The following SHISA9 variants were observed in gnomAD, a reference collection of about 807,000 sequenced individuals.
The protein encoded by SHISA9 is shisa family member 9.
SHISA9 carries 13 observed loss-of-function variants against 38.0 expected under a neutral mutation model. That is an observed-to-expected ratio of 0.34 (90% CI 0.22 to 0.54). SHISA9 has a LOEUF of 0.54. Ranked by LOEUF, SHISA9 falls within the 20% of genes least tolerant of loss-of-function variation. The pLI, the probability that SHISA9 is intolerant of heterozygous loss-of-function variation, is 0.91. For synonymous variants in SHISA9, 275 were observed against 242.0 expected (o/e 1.14, Z -1.27); for missense variants, 538 against 575.8 (o/e 0.93, Z 0.67).
At chr16:13,206,143 C>G (rs773154581) in intron 3 of SHISA9, among the ~76,000 whole-genome samples, 3 of 152,002 alleles carry the variant, frequency 2.0e-5, no homozygotes, top group Non-Finnish European at 4.4e-5. Flanking sequence ...TCAGAAGCTC[C>G]GAAGCATTAG....
the SHISA9 span, among the ~76,000 whole-genome samples, chr16:13,412,851 G>A: frequency 6.6e-6 from 1 of 151,904 alleles, no homozygotes; most frequent in Non-Finnish European, 1.5e-5. Flanking sequence ...GAAAGACCCT[G>A]TCCCCCTAAC....
the SHISA9 span, among the ~76,000 whole-genome samples, chr16:13,309,419 GA>G: frequency 1.3e-5 from 2 of 152,100 alleles, no homozygotes; most frequent in African/African-American, 2.4e-5. Context: ...GAGGTGGGTA[GA>G]TCACCCGAGG....
At chr16:13,520,134 A>G in the SHISA9 span, among the ~76,000 whole-genome samples, 34 of 152,158 alleles carry the variant, frequency 2.2e-4, no homozygotes, top group Non-Finnish European at 4.6e-4. Flanking sequence ...AGGCATGAAA[A>G]CAAATGTCAC....
At chr16:13,128,697 T>C (rs2050281977) in intron 2 of SHISA9, among the ~76,000 whole-genome samples, 2 of 152,156 alleles carry the variant, frequency 1.3e-5, no homozygotes, top group Non-Finnish European at 2.9e-5. Flanking sequence ...GAGTCTAGCT[T>C]ATGTCCCACT....
At chr16:13,055,401 T>C (rs1469959474) in intron 2 of SHISA9, among the ~76,000 whole-genome samples, 1 of 152,212 alleles carries the variant, frequency 6.6e-6, no homozygotes, top group African/African-American at 2.4e-5. Flanking sequence ...ACTGTCTCTC[T>C]GGTTCTAGTG....
rs2073873362 is a variant in SHISA9, at chr16:13,100,969, T to A, written c.692-102425T>A. 2.0e-5 allele frequency among the ~76,000 whole-genome samples: 3 copies of A among 152,202 alleles called. No homozygotes were observed. The South Asian group carries it at 6.2e-4, about 31-fold the overall frequency. ...CCTCGGTCTCCCGAAGTGCTGGGAT[T>A]ACAGGCTTGAGCCACTGTGCTCACC... On this transcript the variant is annotated intron_variant, in intron 2 of 4. Transcript: ENST00000558583.
chr16:13,439,738 C>T, the SHISA9 span, among the ~76,000 whole-genome samples: 1 of 152,172 alleles, frequency 6.6e-6, no homozygotes, highest in Non-Finnish European at 1.5e-5. Flanking sequence ...GCCTTGGCCT[C>T]CCCCTCATTA....
At chr16:13,006,577 C>T (rs1360271387) in intron 2 of SHISA9, among the ~76,000 whole-genome samples, 1 of 152,128 alleles carries the variant, frequency 6.6e-6, no homozygotes, top group Non-Finnish European at 1.5e-5. Context: ...ATTGTATTGC[C>T]AGAATCTTGC....
intron 2 of SHISA9, among the ~76,000 whole-genome samples, chr16:13,190,214 A>G (rs28522364): frequency 0.16 from 24,126 of 150,140 alleles, 2,418 homozygotes; most frequent in African/African-American, 0.26. Flanking sequence ...ATATCTCCCA[A>G]TGCTATCCCT....
intron 2 of SHISA9, among the ~76,000 whole-genome samples, chr16:13,054,454 A>G (rs1172228245): frequency 6.6e-6 from 1 of 152,194 alleles, no homozygotes; most frequent in Non-Finnish European, 1.5e-5. Flanking sequence ...ACTCCCCGAT[A>G]TTTCTAGGAA....
rs376587872 is a variant in SHISA9, at chr16:12,947,613, G to A, written c.691+30798G>A. ...TCACGTGGTGGCTAACAGGGACATC[G>A]GGACAGCAGCTCTTGAAATCCACGG... On this transcript the variant is annotated intron_variant, in intron 2 of 4. Coordinates refer to ENST00000558583, the MANE Select transcript of SHISA9 (RefSeq NM_001145204.3). 4.7e-4 allele frequency among the ~76,000 whole-genome samples: 71 copies of A among 152,320 alleles called. 1 individual carries two copies. In the South Asian group the frequency reaches 0.011, roughly 24 times the overall value.
At chr16:13,320,292 CAAA>C in the SHISA9 span, among the ~76,000 whole-genome samples, 444 of 38,866 alleles carry the variant, frequency 0.011, 1 homozygote, top group African/African-American at 0.025. Context: ...GACTCTGTCT[CAAA>C]AAAAAAAAAA....
chr16:13,007,445 T>G (rs115372612), intron 2 of SHISA9, among the ~76,000 whole-genome samples: 3,073 of 152,290 alleles, frequency 0.02, 103 homozygotes, highest in African/African-American at 0.07. Flanking sequence ...TGTTCTTTAT[T>G]TCTTGCCTGT....
chr16:12,988,197 G>A (rs764656776), intron 2 of SHISA9, among the ~76,000 whole-genome samples: 1 of 152,200 alleles, frequency 6.6e-6, no homozygotes, highest in East Asian at 1.9e-4. Flanking sequence ...AATTCCCAGT[G>A]CCTCTTTGGA....
chr16:13,368,181 G>A, the SHISA9 span, among the ~76,000 whole-genome samples: 1 of 152,152 alleles, frequency 6.6e-6, no homozygotes, highest in African/African-American at 2.4e-5. Context: ...AGCCATATCT[G>A]AGGAGAGGCT....
chr16:13,049,524 C>A (rs1017781260), intron 2 of SHISA9, among the ~76,000 whole-genome samples: 3 of 152,230 alleles, frequency 2.0e-5, no homozygotes, highest in Non-Finnish European at 4.4e-5. Flanking sequence ...GTGGTTATTT[C>A]CCCCACTGAA....
chr16:13,539,720 T>A, the SHISA9 span, among the ~76,000 whole-genome samples: 2 of 152,098 alleles, frequency 1.3e-5, no homozygotes, highest in Non-Finnish European at 2.9e-5. Context: ...TGGAACCCAA[T>A]AGATGGTTTT....
At chr16:13,551,425 A>T in the SHISA9 span, among the ~76,000 whole-genome samples, 1 of 152,232 alleles carries the variant, frequency 6.6e-6, no homozygotes, top group African/African-American at 2.4e-5. Flanking sequence ...ACATGAGTAC[A>T]TGAATGGGTT....
the SHISA9 span, among the ~76,000 whole-genome samples, chr16:13,368,425 G>C: frequency 1.3e-5 from 2 of 151,984 alleles, no homozygotes; most frequent in Non-Finnish European, 2.9e-5. Context: ...GAGAGGACAG[G>C]ACTTGTAACA....
Sources: allele counts gnomAD v4.1 joint callset (sites outside exome capture counted in the v4.1 genomes callset), GRCh38; gene constraint gnomAD v4.1.1; transcripts MANE v1.5; gene names NCBI Gene and HGNC (gene_info 2026-07-23, HGNC 2026-07-21).